Variants in UNC5C observed in about 807,000 individuals in gnomAD.
UNC5C encodes unc-5 netrin receptor C, also known as netrin receptor UNC5C.
UNC5C carries 47 observed loss-of-function variants against 99.8 expected under a neutral mutation model. The ratio of observed to expected loss-of-function variants is 0.47; its 90% CI spans 0.37 to 0.60. UNC5C has a LOEUF of 0.60. UNC5C is among the 20% of genes least tolerant of loss of function. The pLI is 0.00. For missense variants in UNC5C, 1,062 were observed against 1,165.9 expected (o/e 0.91, Z 1.30); for synonymous variants, 487 against 452.2 (o/e 1.08, Z -0.98).
In UNC5C at chr4:95,536,082, A is replaced by ATATATATATATTTTT. The variant is rs1180330785; in HGVS notation, c.124+12651_124+12652insAAAAATATATATATA. On this transcript the variant is annotated intron_variant, in intron 1 of 15. Coordinates refer to ENST00000453304, the MANE Select transcript of UNC5C (RefSeq NM_003728.4). ...CATACATATATATATATATATATAT[A>ATATATATATATTTTT]TTTTTTTTTTTTGAGATGGAGTCTC... Among the ~76,000 whole-genome samples, 46 of 78,444 alleles carry ATATATATATATTTTT rather than the reference A, an allele frequency of 5.9e-4. No individual in the cohort carries two copies. In the East Asian group the frequency reaches 1.0e-2, roughly 17 times the overall value. The allele number at this position is 78,444 out of a possible 152,430, so 51.5% of individuals were successfully genotyped here.
intron 7 of UNC5C, among the ~76,000 whole-genome samples, chr4:95,228,594 G>T (rs1318426584): frequency 1.3e-5 from 2 of 152,196 alleles, no homozygotes; most frequent in Non-Finnish European, 2.9e-5. Flanking sequence ...AAACAGCAGA[G>T]CCAGGGTTGG....
At position 95,342,065 on chromosome 4, in the gene UNC5C, T is replaced by C. The variant is rs555598061; in HGVS notation, c.125-6434A>G. Among the ~76,000 whole-genome samples the C allele has an allele frequency of 2.0e-5, 3 of 152,218 alleles. No individual in the cohort carries two copies. In the South Asian group the frequency reaches 6.2e-4, roughly 32 times the overall value. On this transcript the variant is annotated intron_variant, in intron 1 of 15. Transcript: ENST00000453304. The stretch of plus-strand genomic sequence containing the variant: ...AAGGGCTGTAAGGTCCTAAATAAAC[T>C]TGAAAGGCAGTCTAGGCCACAAAGA...
At chr4:95,328,040 C>CTT (rs34794058) in intron 2 of UNC5C, among the ~76,000 whole-genome samples, 1,413 of 87,032 alleles carry the variant, frequency 0.016, 33 homozygotes, top group Middle Eastern at 0.021. Context: ...CAGGCAACTT[C>CTT]TTTTTTTTTT....
intron 1 of UNC5C, among the ~76,000 whole-genome samples, chr4:95,522,396 A>C (rs1469816564): frequency 6.6e-6 from 1 of 152,162 alleles, no homozygotes; most frequent in Non-Finnish European, 1.5e-5. Context: ...GAATGAAGAT[A>C]TAAAAGTAAA....
chr4:95,217,025 T>A (rs1461120534), intron 9 of UNC5C, among the ~76,000 whole-genome samples: 3 of 152,196 alleles, frequency 2.0e-5, no homozygotes, highest in Non-Finnish European at 4.4e-5. Flanking sequence ...AAAGAGTGAT[T>A]CAGTGTGGAC....
At chr4:95,209,553 A>T (rs746828130) in intron 10 of UNC5C, among the ~76,000 whole-genome samples, 38 of 152,226 alleles carry the variant, frequency 2.5e-4, no homozygotes, top group Admixed American at 6.5e-4. Flanking sequence ...TTCTCTTTAA[A>T]TAACAATACC....
At chr4:95,371,012 G>T (rs1422825716) in intron 1 of UNC5C, among the ~76,000 whole-genome samples, 1 of 152,086 alleles carries the variant, frequency 6.6e-6, no homozygotes, top group African/African-American at 2.4e-5. Context: ...AAGTTTTTAG[G>T]TTTATTTATC....
intron 1 of UNC5C, among the ~76,000 whole-genome samples, chr4:95,366,201 C>A (rs1049751809): frequency 6.6e-5 from 10 of 152,090 alleles, no homozygotes; most frequent in Non-Finnish European, 1.2e-4. Context: ...CACTGGTGTG[C>A]ACCTGTAGTC....
At chr4:95,364,799 A>G (rs1444758467) in intron 1 of UNC5C, among the ~76,000 whole-genome samples, 5 of 152,186 alleles carry the variant, frequency 3.3e-5, no homozygotes, top group African/African-American at 1.2e-4. Context: ...CAACCACTTC[A>G]TCGTCATCAA....
chr4:95,324,594 G>C (rs1742822003), intron 2 of UNC5C, among the ~76,000 whole-genome samples: 1 of 152,102 alleles, frequency 6.6e-6, no homozygotes, highest in Non-Finnish European at 1.5e-5. Context: ...CATTTGCTAT[G>C]GTCTCATTCA....
At chr4:95,379,796 G>T (rs553162976) in intron 1 of UNC5C, among the ~76,000 whole-genome samples, 1 of 152,118 alleles carries the variant, frequency 6.6e-6, no homozygotes, top group Admixed American at 6.5e-5. Context: ...TCTTAGGCGC[G>T]ATAAGGAGTC....
intron 1 of UNC5C, among the ~76,000 whole-genome samples, chr4:95,497,560 T>C (rs1451989489): frequency 6.6e-6 from 1 of 151,914 alleles, no homozygotes; most frequent in Non-Finnish European, 1.5e-5. Flanking sequence ...GCTATACTCA[T>C]GTGGAAATCA....
At chr4:95,531,360 G>T (rs1722637025) in intron 1 of UNC5C, among the ~76,000 whole-genome samples, 1 of 152,160 alleles carries the variant, frequency 6.6e-6, no homozygotes, top group African/African-American at 2.4e-5. Flanking sequence ...GATTCAGGCT[G>T]CTTGATTACA....
At chr4:95,524,757 G>A (rs1333701901) in intron 1 of UNC5C, among the ~76,000 whole-genome samples, 1 of 152,166 alleles carries the variant, frequency 6.6e-6, no homozygotes, top group Non-Finnish European at 1.5e-5. Context: ...TCAGAGGCAT[G>A]CAATATAAAT....
intron 1 of UNC5C, among the ~76,000 whole-genome samples, chr4:95,335,881 A>G (rs1308591232): frequency 1.3e-5 from 2 of 151,884 alleles, no homozygotes; most frequent in African/African-American, 4.8e-5. Flanking sequence ...ATAGGTAGTA[A>G]ATAGCAGAGC....
At chr4:95,410,576 G>T (rs1382189870) in intron 1 of UNC5C, among the ~76,000 whole-genome samples, 5 of 152,186 alleles carry the variant, frequency 3.3e-5, no homozygotes, top group Admixed American at 3.3e-4. Context: ...GGCAAAAGAT[G>T]CTGCTACCGC....
At chr4:95,472,164 T>C (rs1002093591) in intron 1 of UNC5C, among the ~76,000 whole-genome samples, 1 of 152,180 alleles carries the variant, frequency 6.6e-6, no homozygotes, top group Non-Finnish European at 1.5e-5. Context: ...TTCCATTTGA[T>C]GGCTTTGCTG....
At chr4:95,220,750 T>C (rs1426870067) in intron 7 of UNC5C, among the ~76,000 whole-genome samples, 4 of 152,154 alleles carry the variant, frequency 2.6e-5, no homozygotes, top group African/African-American at 9.7e-5. Flanking sequence ...CATATTAAAT[T>C]TGAAAGGTGT....
chr4:95,203,428 T>TTTG (rs1403213822), intron 11 of UNC5C, among the ~76,000 whole-genome samples: 1 of 152,150 alleles, frequency 6.6e-6, no homozygotes, highest in African/African-American at 2.4e-5. Context: ...TGTTACTTTT[T>TTTG]TTGTTGTTGT....
Sources: allele counts gnomAD v4.1 joint callset (sites outside exome capture counted in the v4.1 genomes callset), GRCh38; gene constraint gnomAD v4.1.1; transcripts MANE v1.5; gene names NCBI Gene and HGNC (gene_info 2026-07-23, HGNC 2026-07-21).